Variants in RYR2 observed in about 807,000 individuals in gnomAD.
The protein encoded by RYR2 is ryanodine receptor 2.
In RYR2, 227 loss-of-function variants were observed where a neutral mutation model predicts 601.1. That is an observed-to-expected ratio of 0.38 (90% confidence interval 0.34 to 0.42). The LOEUF is 0.42. RYR2 is among the 10% of genes least tolerant of loss of function. The probability of loss-of-function intolerance (pLI) is 1.00; values close to 1 mark genes in which losing one functional copy is unlikely to be tolerated. For missense variants in RYR2, 4,646 were observed against 6,156.5 expected (o/e 0.75, Z 8.21); for synonymous variants, 2,223 against 2,175.1 (o/e 1.02, Z -0.61).
chr1:237,116,568 T>C (rs994254746), intron 1 of RYR2, among the ~76,000 whole-genome samples: 2 of 152,138 alleles, frequency 1.3e-5, no homozygotes, highest in Admixed American at 1.3e-4. Context: ...CATACACATA[T>C]ATAATTTACT....
intron 1 of RYR2, among the ~76,000 whole-genome samples, chr1:237,212,711 T>C (rs1682722174): frequency 6.6e-6 from 1 of 152,226 alleles, no homozygotes; most frequent in South Asian, 2.1e-4. Flanking sequence ...ACTAATGTAC[T>C]AATATGCATT....
chr1:237,504,854 G>A (rs1439526860), intron 22 of RYR2, among the ~76,000 whole-genome samples: 1 of 152,118 alleles, frequency 6.6e-6, no homozygotes. Context: ...AGGTGGGGAT[G>A]GCTTTGGGAT....
intron 10 of RYR2, among the ~76,000 whole-genome samples, chr1:237,406,687 G>A (rs1334066536): frequency 6.6e-6 from 1 of 151,848 alleles, no homozygotes; most frequent in Non-Finnish European, 1.5e-5. Flanking sequence ...TATTTGTTGA[G>A]CTAGAATACC....
chr1:237,827,627 C>CAAAAAAA (rs55896893), intron 101 of RYR2, among the ~76,000 whole-genome samples: 1 of 79,444 alleles, frequency 1.3e-5, no homozygotes, highest in Non-Finnish European at 2.5e-5. Flanking sequence ...AAGACTGTCT[C>CAAAAAAA]AAAAAAAAAA....
chr1:237,674,242 T>C (rs1249837418), intron 59 of RYR2, 23 bp downstream of exon 59: 1 of 1,574,192 alleles, frequency 6.4e-7, no homozygotes, highest in African/African-American at 1.3e-5. Flanking sequence ...ATACCCTAAG[T>C]ACACACTCTT....
At chr1:237,687,363 CTTCTTTT>C (rs1201281500) in intron 62 of RYR2, 85 bp from the exon 63 acceptor site, 6,408 of 452,656 alleles carry the variant, frequency 0.014, 32 homozygotes, top group Non-Finnish European at 0.016. Flanking sequence ...CTTTTTTCTT[CTTCTTTT>C]TTTTTTTTTT....
At chr1:237,446,925 A>C (rs1558833082) in intron 14 of RYR2, among the ~76,000 whole-genome samples, 1 of 152,236 alleles carries the variant, frequency 6.6e-6, no homozygotes, top group Non-Finnish European at 1.5e-5. Flanking sequence ...CTAGTCAAGA[A>C]GTTCTACTTG....
intron 89 of RYR2, 102 bp downstream of exon 89, chr1:237,781,748 G>T: frequency 2.0e-6 from 1 of 510,776 alleles, no homozygotes; most frequent in Non-Finnish European, 3.5e-6. Context: ...ATAGCACTCA[G>T]ATATGATAGA....
rs796296805 is a variant in RYR2 at position 237,515,601 on chromosome 1, TTCCTCC to T, written c.2822+3820_2822+3825del. Among the ~76,000 whole-genome samples the T allele has an allele frequency of 4.8e-3, 713 of 149,780 alleles. 10 individuals carry two copies. The highest frequency in any genetic ancestry group is 0.017 in the African/African-American group (670 of 40,586). Reference sequence around the variant, plus strand: ...AGCAAGTTAGTTTCTCATACCTCTTTTCCTCCTCCTCCTCCCCCTCCCTCCCCTCCC... The same window carrying T: ...AGCAAGTTAGTTTCTCATACCTCTTTTCCTCCTCCCCCTCCCTCCCCTCCC... On this transcript the variant is annotated intron_variant, in intron 24 of 104. Transcript: ENST00000366574.
chr1:237,754,219 C>T (rs1324900512), intron 80 of RYR2, among the ~76,000 whole-genome samples: 2 of 149,244 alleles, frequency 1.3e-5, no homozygotes, highest in East Asian at 2.0e-4. Context: ...AATTTAGATG[C>T]GATGTTAAAA....
intron 41 of RYR2, among the ~76,000 whole-genome samples, chr1:237,629,767 C>T (rs1680059312): frequency 6.6e-6 from 1 of 152,088 alleles, no homozygotes; most frequent in Admixed American, 6.5e-5. Flanking sequence ...CAGACTGTTT[C>T]ATATCATTTC....
intron 67 of RYR2, among the ~76,000 whole-genome samples, chr1:237,706,541 G>A (rs972121678): frequency 6.6e-6 from 1 of 152,164 alleles, no homozygotes; most frequent in Non-Finnish European, 1.5e-5. Context: ...AGGTATTACA[G>A]GGCTGAAAAT....
chr1:237,602,744 G>A (rs1371251224), intron 35 of RYR2, among the ~76,000 whole-genome samples: 1 of 152,184 alleles, frequency 6.6e-6, no homozygotes, highest in East Asian at 1.9e-4. Flanking sequence ...AGTTGAAAAG[G>A]TCTTGTGTGC....
chr1:237,671,768 T>G (rs1459676806), intron 58 of RYR2, among the ~76,000 whole-genome samples: 2 of 151,878 alleles, frequency 1.3e-5, no homozygotes, highest in East Asian at 3.9e-4. Flanking sequence ...TGAGGGAAAA[T>G]CAGATGCCAT....
intron 17 of RYR2, among the ~76,000 whole-genome samples, chr1:237,473,427 C>G (rs12725730): frequency 9.7e-6 from 1 of 102,570 alleles, no homozygotes; most frequent in South Asian, 3.0e-4. Context: ...CCATCTCTCT[C>G]TCTCTCTTTC....
rs550213589 is a variant in RYR2, at chr1:237,082,290, C to T, written c.48+39721C>T. On this transcript the variant is annotated intron_variant, in intron 1 of 104. Transcript: ENST00000366574. ...TAAAACCTGTGTCAGAGCCTAAGCACTAAGCACTAAGCATGACTCTATTCT... is the reference window on the plus strand; with the variant it reads ...TAAAACCTGTGTCAGAGCCTAAGCATTAAGCACTAAGCATGACTCTATTCT... 4.6e-5 allele frequency among the ~76,000 whole-genome samples: 7 copies of T among 150,622 alleles called. No homozygotes were observed. The South Asian group carries it at 1.5e-3, about 31-fold the overall frequency.
At chr1:237,631,586 G>T (rs1275633196) in intron 42 of RYR2, 45 bp downstream of exon 42, 1 of 741,322 alleles carries the variant, frequency 1.3e-6, no homozygotes, top group South Asian at 1.7e-5. Context: ...TCATCTCCTG[G>T]AGTATATAGA....
intron 17 of RYR2, among the ~76,000 whole-genome samples, chr1:237,478,653 A>C (rs1216135265): frequency 7.1e-6 from 1 of 139,896 alleles, no homozygotes; most frequent in Non-Finnish European, 1.5e-5. Context: ...AAATATATTA[A>C]CTTACTTAAT....
At position 237,614,061 on chromosome 1, in the gene RYR2, A is replaced by G; in HGVS notation, c.4933A>G (p.Thr1645Ala). Reference protein sequence around the residue: ...ENRSVDILELTEQEELLKFHY... With the variant: ...ENRSVDILELAEQEELLKFHY... ...CAGATCTGTTGACATCTTAGAGTTGACAGAGCAGGAGGAATTGCTGAAATT... is the reference window on the plus strand; with the variant it reads ...CAGATCTGTTGACATCTTAGAGTTGGCAGAGCAGGAGGAATTGCTGAAATT... Residue 1645 changes from threonine (T) to alanine (A), a missense_variant, in exon 37 of 105, where the codon ACA (threonine) becomes GCA (alanine). Thr to Ala is a moderately conservative substitution (Grantham distance 58). Around this residue, in one of 17 missense-constraint regions of RYR2, gnomAD observed 1,807 missense variants for 2,088.1 expected, o/e 0.87. Coordinates refer to ENST00000366574, the MANE Select transcript of RYR2 (RefSeq NM_001035.3). This position sits in a 1 kb window ranked among gnomAD's most constrained non-coding sequence, Gnocchi z 4.3. The G allele has an allele frequency of 6.2e-7, 1 of 1,613,414 alleles. No individual in the cohort carries two copies.
Sources: gnomAD v4.1 joint callset for allele counts (sites outside exome capture counted in the v4.1 genomes callset) on GRCh38, gnomAD v4.1.1 for gene constraint, gnomAD v4.1.1 regional missense constraint, Gnocchi (gnomAD v3.1) non-coding constraint, MANE v1.5 for transcripts, NCBI Gene and HGNC (gene_info 2026-07-23, HGNC 2026-07-21) for gene names.